Variants in KCNT2 observed in about 807,000 individuals in gnomAD.
The protein encoded by KCNT2 is potassium sodium-activated channel subfamily T member 2, also known as potassium channel subfamily T member 2.
A neutral mutation model predicts 153.8 loss-of-function variants in KCNT2; 67 were observed. The ratio of observed to expected loss-of-function variants is 0.44; its 90% confidence interval spans 0.36 to 0.53. The LOEUF is 0.53. Ranked by LOEUF, KCNT2 falls within the 20% of genes least tolerant of loss-of-function variation. The pLI is 0.00. For missense variants in KCNT2, 975 were observed against 1,354.8 expected (o/e 0.72, Z 4.40); for synonymous variants, 500 against 458.8 (o/e 1.09, Z -1.15).
intron 1 of KCNT2, among the ~76,000 whole-genome samples, chr1:196,571,710 T>G (rs1010532126): frequency 3.3e-5 from 5 of 152,016 alleles, no homozygotes; most frequent in Non-Finnish European, 7.4e-5. Flanking sequence ...GCTTCTGAGA[T>G]CTATGTTTCC....
intron 12 of KCNT2, among the ~76,000 whole-genome samples, chr1:196,419,739 A>T (rs960464098): frequency 6.6e-5 from 10 of 152,012 alleles, no homozygotes; most frequent in Admixed American, 2.0e-4. Context: ...TACTGATGAG[A>T]CATCTGAAGA....
chr1:196,270,618 G>A (rs909309854), intron 25 of KCNT2, among the ~76,000 whole-genome samples: 1 of 151,848 alleles, frequency 6.6e-6, no homozygotes, highest in Non-Finnish European at 1.5e-5. Flanking sequence ...TTAGAATCAC[G>A]GTTTCATTGC....
At chr1:196,328,897 T>C (rs571297815) in intron 18 of KCNT2, among the ~76,000 whole-genome samples, 1 of 152,102 alleles carries the variant, frequency 6.6e-6, no homozygotes, top group South Asian at 2.1e-4. Context: ...GAAAGGGTGC[T>C]TGGAGAATTA....
intron 25 of KCNT2, among the ~76,000 whole-genome samples, chr1:196,278,797 A>G (rs1658819396): frequency 6.6e-6 from 1 of 152,200 alleles, no homozygotes; most frequent in Non-Finnish European, 1.5e-5. Context: ...TGCTATGGTC[A>G]AATAAGAAAT....
chr1:196,569,136 T>G (rs1476907324), intron 1 of KCNT2, among the ~76,000 whole-genome samples: 1 of 152,158 alleles, frequency 6.6e-6, no homozygotes, highest in Non-Finnish European at 1.5e-5. Flanking sequence ...TAATTTAGCC[T>G]CTTAATCTGT....
At chr1:196,500,951 A>G (rs1454962886) in intron 1 of KCNT2, among the ~76,000 whole-genome samples, 2 of 152,194 alleles carry the variant, frequency 1.3e-5, no homozygotes, top group African/African-American at 2.4e-5. Flanking sequence ...ATATGCCACC[A>G]TGCTCAACAA....
At chr1:196,335,278 G>A (rs1163009385) in intron 16 of KCNT2, among the ~76,000 whole-genome samples, 1 of 152,082 alleles carries the variant, frequency 6.6e-6, no homozygotes, top group African/African-American at 2.4e-5. Context: ...TCTACCATTT[G>A]GTGATTTCTT....
At chr1:196,330,539 A>ATTCT (rs1267025108) in intron 18 of KCNT2, among the ~76,000 whole-genome samples, 2 of 151,936 alleles carry the variant, frequency 1.3e-5, no homozygotes, top group Non-Finnish European at 2.9e-5. Context: ...TCTTCCTTTT[A>ATTCT]TCAGTTTTGT....
chr1:196,531,018 C>T (rs1272730548), intron 1 of KCNT2, among the ~76,000 whole-genome samples: 1 of 152,126 alleles, frequency 6.6e-6, no homozygotes, highest in Non-Finnish European at 1.5e-5. Flanking sequence ...CAAAGATTTA[C>T]TGTAAATAGT....
intron 16 of KCNT2, among the ~76,000 whole-genome samples, chr1:196,335,146 T>G (rs1174287213): frequency 6.6e-6 from 1 of 152,196 alleles, no homozygotes; most frequent in Non-Finnish European, 1.5e-5. Flanking sequence ...AATTACTTAT[T>G]TCATTTATGT....
rs553398365 is a variant in KCNT2, at chr1:196,356,821, G to A, written c.1404-14593C>T. Among the ~76,000 whole-genome samples, 39 of 151,836 alleles carry A rather than the reference G, an allele frequency of 2.6e-4. 1 individual carries two copies. Among genetic ancestry groups the A allele is most frequent in the African/African-American group, 9.2e-4 (38 of 41,468 alleles). On this transcript the variant is annotated intron_variant, in intron 14 of 27. Transcript: ENST00000294725. ...GATATAAGGAGTGTTCAGACTTGTG[G>A]TGAATTGGTTGTTGGATGTCTACTG...
At chr1:196,581,989 T>G (rs1303272802) in intron 1 of KCNT2, among the ~76,000 whole-genome samples, 2 of 152,104 alleles carry the variant, frequency 1.3e-5, no homozygotes, top group African/African-American at 4.8e-5. Flanking sequence ...ATACTGCCAG[T>G]TCTTCAGGTA....
intron 1 of KCNT2, among the ~76,000 whole-genome samples, chr1:196,492,652 C>T (rs570223063): frequency 6.6e-6 from 1 of 152,142 alleles, no homozygotes; most frequent in South Asian, 2.1e-4. Flanking sequence ...ATGGATTATT[C>T]AAAACAGCAA....
At position 196,438,274 on chromosome 1, in the gene KCNT2, T is replaced by C. The variant is rs1478373416; in HGVS notation, c.639-8517A>G. 2.0e-5 allele frequency among the ~76,000 whole-genome samples: 3 copies of C among 151,834 alleles called. No individual in the cohort carries two copies. The Admixed American group carries it at 2.0e-4, about 10-fold the overall frequency. ...GTTTCTATTTTACAAAAAAATAAAA[T>C]ATTACTGCTAACGATAGAGTCAGGG... On this transcript the variant is annotated intron_variant, in intron 8 of 27. Coordinates refer to ENST00000294725, the MANE Select transcript of KCNT2 (RefSeq NM_198503.5).
intron 16 of KCNT2, among the ~76,000 whole-genome samples, chr1:196,337,112 T>C (rs1665114294): frequency 6.6e-6 from 1 of 152,076 alleles, no homozygotes; most frequent in Non-Finnish European, 1.5e-5. Context: ...CAACTTCCTG[T>C]TAGACATCTT....
At chr1:196,359,402 C>T (rs1196241992) in intron 14 of KCNT2, among the ~76,000 whole-genome samples, 1 of 151,570 alleles carries the variant, frequency 6.6e-6, no homozygotes, top group Admixed American at 6.6e-5. Context: ...TTTCTTTTTC[C>T]TTGTATCAAT....
rs1299905509 is a variant in KCNT2, at chr1:196,423,127, G to A, written c.1122-14C>T. The A allele has an allele frequency of 6.4e-7, 1 of 1,568,272 alleles. No homozygotes were observed. The highest frequency in any genetic ancestry group is 1.2e-5 in the South Asian group (1 of 86,258). On this transcript the variant is annotated splice_polypyrimidine_tract_variant and intron_variant, in intron 11 of 27. Coordinates refer to ENST00000294725, the MANE Select transcript of KCNT2 (RefSeq NM_198503.5). ...GCGTCATCCATCCTAAATACAGATG[G>A]AAAAACAAAATAATCACACACTGAA...
chr1:196,603,321 A>T (rs552035688), intron 1 of KCNT2, among the ~76,000 whole-genome samples: 23 of 152,294 alleles, frequency 1.5e-4, no homozygotes, highest in East Asian at 1.2e-3. Context: ...TCAAAAATTT[A>T]AAATTGTCTT....
chr1:196,425,723 G>C (rs1403013105), intron 11 of KCNT2, 129 bp downstream of exon 11: 2 of 873,138 alleles, frequency 2.3e-6, no homozygotes, highest in Non-Finnish European at 3.7e-6. Flanking sequence ...AGGGACTAAG[G>C]CAAGAGTCTA....
Sources: allele counts gnomAD v4.1 joint callset (sites outside exome capture counted in the v4.1 genomes callset), GRCh38; gene constraint gnomAD v4.1.1; transcripts MANE v1.5; gene names NCBI Gene and HGNC (gene_info 2026-07-23, HGNC 2026-07-21).